Variants in ATP10B observed in about 807,000 individuals in gnomAD.
ATP10B encodes phospholipid-transporting ATPase VB.
In ATP10B, 122 loss-of-function variants were observed where a neutral mutation model predicts 141.2. The observed-to-expected ratio is 0.86, with a 90% CI of 0.75 to 1.00. The LOEUF (loss-of-function observed/expected upper bound fraction) is 1.00, where lower values mean the gene tolerates loss of function less well. Ranked by LOEUF, ATP10B falls within the 50% of genes least tolerant of loss-of-function variation. The probability of loss-of-function intolerance (pLI) is 0.00; values close to 1 mark genes in which losing one functional copy is unlikely to be tolerated. For missense variants in ATP10B, 1,876 were observed against 1,825.3 expected, an observed-to-expected ratio of 1.03 and a Z score of -0.51; for synonymous variants, 685 against 692.0, an observed-to-expected ratio of 0.99 and a Z score of 0.16.
chr5:160,900,347 A>C, the ATP10B span, among the ~76,000 whole-genome samples: 1 of 152,142 alleles, frequency 6.6e-6, no homozygotes, highest in Non-Finnish European at 1.5e-5. Context: ...GCTTTAATTT[A>C]ATCCTTAAAA....
At chr5:160,911,099 CA>C in the ATP10B span, among the ~76,000 whole-genome samples, 1 of 152,176 alleles carries the variant, frequency 6.6e-6, no homozygotes, top group Non-Finnish European at 1.5e-5. Flanking sequence ...GAAATGTTTC[CA>C]ATGGCCTGAA....
At chr5:160,647,831 T>C (rs1436942942) in intron 8 of ATP10B, among the ~76,000 whole-genome samples, 2 of 152,176 alleles carry the variant, frequency 1.3e-5, no homozygotes, top group Non-Finnish European at 2.9e-5. Flanking sequence ...ATTTTAAAAG[T>C]AATTTGCCTA....
chr5:160,787,499 T>C (rs1400178926), intron 1 of ATP10B, among the ~76,000 whole-genome samples: 2 of 152,206 alleles, frequency 1.3e-5, no homozygotes, highest in Non-Finnish European at 2.9e-5. Context: ...GTTTCCATCT[T>C]AGCCTCCAGT....
At chr5:160,675,672 C>T (rs1408023098) in intron 6 of ATP10B, among the ~76,000 whole-genome samples, 3 of 152,168 alleles carry the variant, frequency 2.0e-5, no homozygotes, top group Admixed American at 6.5e-5. Context: ...TGCTCAGTGC[C>T]ATGTCACTAA....
chr5:160,835,555 C>G (rs1474827737), intron 1 of ATP10B, among the ~76,000 whole-genome samples: 1 of 152,134 alleles, frequency 6.6e-6, no homozygotes, highest in African/African-American at 2.4e-5. Context: ...CAGCTTCTCT[C>G]TCACCTCAGG....
At chr5:160,857,438 G>T in the ATP10B span, among the ~76,000 whole-genome samples, 2 of 151,626 alleles carry the variant, frequency 1.3e-5, no homozygotes, top group African/African-American at 4.8e-5. Context: ...CAGTCTTGCT[G>T]GAGGTCTATT....
chr5:160,921,613 CTGTT>C, the ATP10B span, among the ~76,000 whole-genome samples: 5 of 152,220 alleles, frequency 3.3e-5, no homozygotes, highest in African/African-American at 1.2e-4. Context: ...TAGTCACTCT[CTGTT>C]TGTGATAAGA....
At chr5:160,909,503 C>A in the ATP10B span, among the ~76,000 whole-genome samples, 1 of 152,108 alleles carries the variant, frequency 6.6e-6, no homozygotes, top group Non-Finnish European at 1.5e-5. Context: ...TTTTGCAGAA[C>A]CATTTCTTAA....
At chr5:160,649,845 T>C (rs1016153704) in intron 7 of ATP10B, among the ~76,000 whole-genome samples, 6 of 152,012 alleles carry the variant, frequency 3.9e-5, no homozygotes, top group Non-Finnish European at 8.8e-5. Flanking sequence ...TAGCCAGGCA[T>C]GGTGGCTCAC....
chr5:160,639,384 G>T (rs1360650544), intron 10 of ATP10B, among the ~76,000 whole-genome samples: 2 of 152,214 alleles, frequency 1.3e-5, no homozygotes, highest in East Asian at 3.8e-4. Flanking sequence ...TTAGGTCATA[G>T]ATCTTGAGAT....
intron 1 of ATP10B, among the ~76,000 whole-genome samples, chr5:160,830,155 T>A (rs1278304740): frequency 6.6e-6 from 1 of 152,148 alleles, no homozygotes; most frequent in Non-Finnish European, 1.5e-5. Flanking sequence ...CATGAAGGGA[T>A]GTTGGATTTT....
chr5:160,872,054 C>T, the ATP10B span, among the ~76,000 whole-genome samples: 3 of 151,894 alleles, frequency 2.0e-5, no homozygotes, highest in Admixed American at 1.3e-4. Flanking sequence ...GCACCAATAT[C>T]TACTATTTTG....
intron 8 of ATP10B, among the ~76,000 whole-genome samples, chr5:160,647,397 A>G (rs146718598): frequency 2.6e-5 from 4 of 152,264 alleles, no homozygotes; most frequent in South Asian, 2.1e-4. Context: ...CCGCAGTCCA[A>G]CTGGACTTTT....
the ATP10B span, among the ~76,000 whole-genome samples, chr5:160,913,725 T>C: frequency 6.6e-6 from 1 of 152,168 alleles, no homozygotes; most frequent in East Asian, 1.9e-4. Flanking sequence ...TTGCACTTTT[T>C]ATGGGGTTGA....
chr5:160,588,547 C>T (rs940420448), intron 24 of ATP10B, among the ~76,000 whole-genome samples: 6 of 152,148 alleles, frequency 3.9e-5, no homozygotes, highest in Non-Finnish European at 8.8e-5. Flanking sequence ...TCCCTGTGTA[C>T]CATTCAATCT....
chr5:160,708,202 G>T (rs1376033630), intron 3 of ATP10B, among the ~76,000 whole-genome samples: 1 of 152,092 alleles, frequency 6.6e-6, no homozygotes. Flanking sequence ...AGGTTTTGTT[G>T]TCTGATTTTT....
intron 1 of ATP10B, among the ~76,000 whole-genome samples, chr5:160,831,880 C>T (rs1258432513): frequency 1.3e-5 from 2 of 152,062 alleles, no homozygotes; most frequent in Non-Finnish European, 2.9e-5. Flanking sequence ...AGTTAAATTT[C>T]TCACTTTTCT....
chr5:160,700,627 C>T (rs1764614740), intron 3 of ATP10B, among the ~76,000 whole-genome samples: 4 of 152,166 alleles, frequency 2.6e-5, no homozygotes, highest in Admixed American at 2.0e-4. Context: ...TTCATAGGTG[C>T]TTTGGGCTGG....
Position 160,785,626 on chromosome 5 carries a change from T to A in ATP10B, c.-398A>T. On this transcript the variant is annotated 5_prime_UTR_variant, in exon 2 of 26. Transcript: ENST00000327245. ...TCCTTTTTGAAGTCTCAGTGTTTAT[T>A]GTTCTCATCTTTGTGTCCATGTGTA... 1 of 1,238,868 alleles carries A rather than the reference T, an allele frequency of 8.1e-7. No individual in the cohort carries two copies. Among genetic ancestry groups the A allele is most frequent in the Non-Finnish European group, 1.1e-6 (1 of 943,096 alleles). 76.7% of individuals were successfully genotyped at this position (1,238,868 alleles called of 1,614,324 possible).
Sources: gnomAD v4.1 joint callset for allele counts (sites outside exome capture counted in the v4.1 genomes callset) on GRCh38, gnomAD v4.1.1 for gene constraint, MANE v1.5 for transcripts, NCBI Gene and HGNC (gene_info 2026-07-23, HGNC 2026-07-21) for gene names.